FAM53B: variants seen among roughly 807,000 people sequenced by gnomAD.
FAM53B encodes protein FAM53B.
FAM53B carries 12 observed loss-of-function variants against 32.7 expected under a neutral mutation model. That is an observed-to-expected ratio of 0.37 (90% CI 0.24 to 0.59). The LOEUF is 0.59. Ranked by LOEUF, FAM53B falls within the 20% of genes least tolerant of loss-of-function variation. The probability of loss-of-function intolerance (pLI) is 0.72; values close to 1 mark genes in which losing one functional copy is unlikely to be tolerated. For synonymous variants in FAM53B, 234 were observed against 228.7 expected, an observed-to-expected ratio of 1.02 and a Z score of -0.21; for missense variants, 477 against 577.7, an observed-to-expected ratio of 0.83 and a Z score of 1.79.
intron 1 of FAM53B, among the ~76,000 whole-genome samples, chr10:124,738,339 G>A (rs1241361504): frequency 6.6e-6 from 1 of 151,866 alleles, no homozygotes; most frequent in Non-Finnish European, 1.5e-5. Context: ...AATTGGGCCT[G>A]AATGCAGCCT....
intron 1 of FAM53B, among the ~76,000 whole-genome samples, chr10:124,721,195 C>T (rs1338298958): frequency 6.6e-6 from 1 of 152,210 alleles, no homozygotes; most frequent in African/African-American, 2.4e-5. Context: ...GAGTAAGAAT[C>T]CATCTCAAAA....
chr10:124,721,596 C>T (rs1950068905), intron 1 of FAM53B, among the ~76,000 whole-genome samples: 1 of 152,220 alleles, frequency 6.6e-6, no homozygotes, highest in Non-Finnish European at 1.5e-5. Context: ...TTTTGCAGAG[C>T]TTACTTATGG....
chr10:124,691,507 T>C (rs1445681258), intron 3 of FAM53B, among the ~76,000 whole-genome samples: 1 of 152,210 alleles, frequency 6.6e-6, no homozygotes, highest in Admixed American at 6.5e-5. Flanking sequence ...ATATGAATTG[T>C]TTTGTTCTGT....
At chr10:124,677,321 T>C (rs916184370) in intron 4 of FAM53B, among the ~76,000 whole-genome samples, 2 of 152,224 alleles carry the variant, frequency 1.3e-5, no homozygotes, top group Admixed American at 1.3e-4. Flanking sequence ...GGCCCTGCCT[T>C]CAATGGCAGA....
chr10:124,663,777 T>C (rs1307454725), intron 4 of FAM53B, among the ~76,000 whole-genome samples: 2 of 151,944 alleles, frequency 1.3e-5, no homozygotes, highest in East Asian at 1.9e-4. Flanking sequence ...CCAGGGCTCA[T>C]TTTGTTCCAG....
intron 1 of FAM53B, among the ~76,000 whole-genome samples, chr10:124,717,407 A>G (rs911622316): frequency 1.3e-5 from 2 of 152,244 alleles, no homozygotes; most frequent in African/African-American, 4.8e-5. Flanking sequence ...ACTATAAGAA[A>G]GGACAGTAAG....
chr10:124,637,603 C>G (rs1322398786), intron 4 of FAM53B, among the ~76,000 whole-genome samples: 1 of 152,196 alleles, frequency 6.6e-6, no homozygotes, highest in East Asian at 1.9e-4. Context: ...CTCCTCTCAG[C>G]TCAATGTGTC....
intron 4 of FAM53B, among the ~76,000 whole-genome samples, chr10:124,644,814 C>T (rs1315025575): frequency 1.3e-5 from 2 of 152,176 alleles, no homozygotes; most frequent in Non-Finnish European, 2.9e-5. Context: ...CCAGCCAGAG[C>T]CTGCTCTGAC....
Position 124,681,735 on chromosome 10 carries a change from A to G in FAM53B, c.778T>C (p.Ser260Pro), listed in dbSNP as rs1398197899. Residue 260 changes from serine to proline, a missense_variant, in exon 4 of 5, where the codon TCC (serine) becomes CCC (proline). Ser to Pro is a moderately conservative substitution (Grantham distance 74). Transcript: ENST00000337318. ...PASTPELARR[S>P]SGLSRSRSQP... is the part of the protein sequence containing the mutation. ...GAGCGGCTGCGGGAAAGGCCGCTGG[A>G]GCGTCTCGCCAGCTCTGGTGTTGAG... The G allele has an allele frequency of 6.2e-7, 1 of 1,610,456 alleles. No homozygotes were observed. The highest frequency in any genetic ancestry group is 1.7e-5 in the Admixed American group (1 of 59,432).
intron 1 of FAM53B, among the ~76,000 whole-genome samples, chr10:124,729,437 C>T (rs1219319087): frequency 6.6e-6 from 1 of 152,218 alleles, no homozygotes; most frequent in African/African-American, 2.4e-5. Context: ...ACACAACTTC[C>T]TCCTTACCAG....
At chr10:124,653,208 T>TGG (rs1428345819) in intron 4 of FAM53B, among the ~76,000 whole-genome samples, 1 of 139,468 alleles carries the variant, frequency 7.2e-6, no homozygotes, top group Non-Finnish European at 1.6e-5. Flanking sequence ...GCTCAGTGAA[T>TGG]GGGGAGAAGC....
chr10:124,732,997 C>T (rs138124204), intron 1 of FAM53B, among the ~76,000 whole-genome samples: 1,847 of 152,296 alleles, frequency 0.012, 10 homozygotes, highest in Non-Finnish European at 0.018. Context: ...CCTATGCGGA[C>T]GCAGCCAGGC....
At chr10:124,743,430 C>T (rs1378415081) in intron 1 of FAM53B, among the ~76,000 whole-genome samples, 1 of 151,950 alleles carries the variant, frequency 6.6e-6, no homozygotes, top group South Asian at 2.1e-4. Context: ...CTTCCCCCGC[C>T]CGGGACAGAA....
intron 1 of FAM53B, among the ~76,000 whole-genome samples, chr10:124,732,447 C>T (rs559674554): frequency 6.6e-6 from 1 of 152,342 alleles, no homozygotes; most frequent in East Asian, 1.9e-4. Flanking sequence ...CGGACACCAC[C>T]CTGGCCACGC....
intron 1 of FAM53B, among the ~76,000 whole-genome samples, chr10:124,740,310 A>G (rs1445906104): frequency 6.6e-6 from 1 of 150,566 alleles, no homozygotes; most frequent in Non-Finnish European, 1.5e-5. Flanking sequence ...TGGATTAAGC[A>G]TCAAAGAAGT....
At chr10:124,728,432 G>A (rs1950121515) in intron 1 of FAM53B, among the ~76,000 whole-genome samples, 1 of 152,188 alleles carries the variant, frequency 6.6e-6, no homozygotes, top group African/African-American at 2.4e-5. Context: ...GCTCCCTTCT[G>A]GCCTCGCCCA....
intron 1 of FAM53B, among the ~76,000 whole-genome samples, chr10:124,735,971 C>T (rs1950171115): frequency 6.6e-6 from 1 of 152,238 alleles, no homozygotes; most frequent in Non-Finnish European, 1.5e-5. Flanking sequence ...CTAGACTCTG[C>T]CCAAAGTTCC....
chr10:124,698,289 G>C (rs1027791987), intron 2 of FAM53B, among the ~76,000 whole-genome samples: 6 of 152,142 alleles, frequency 3.9e-5, no homozygotes, highest in Non-Finnish European at 7.4e-5. Context: ...AATTGAACAG[G>C]AACACTGAAG....
chr10:124,652,694 C>T (rs1008396672), intron 4 of FAM53B, among the ~76,000 whole-genome samples: 1 of 152,190 alleles, frequency 6.6e-6, no homozygotes, highest in Non-Finnish European at 1.5e-5. Context: ...ACAAGGAAGC[C>T]TTGTGGTGGA....
Sources: gnomAD v4.1 joint callset for allele counts (sites outside exome capture counted in the v4.1 genomes callset) on GRCh38, gnomAD v4.1.1 for gene constraint, MANE v1.5 for transcripts, NCBI Gene and HGNC (gene_info 2026-07-23, HGNC 2026-07-21) for gene names.